Variants in FAF1 observed in about 807,000 individuals in gnomAD.
FAF1 encodes the protein Fas associated factor 1.
Under a neutral mutation model 92.5 loss-of-function variants are expected in FAF1, and 25 were observed. The observed-to-expected ratio is 0.27, with a 90% CI of 0.20 to 0.38. The LOEUF is 0.38. Ranked by LOEUF, FAF1 falls within the 10% of genes least tolerant of loss-of-function variation. The pLI is 1.00. For missense variants in FAF1, 636 were observed against 793.3 expected, an observed-to-expected ratio of 0.80 and a Z score of 2.38; for synonymous variants, 234 against 273.2, an observed-to-expected ratio of 0.86 and a Z score of 1.42.
intron 17 of FAF1, among the ~76,000 whole-genome samples, chr1:50,488,839 CTATT>C (rs1049274524): frequency 6.6e-6 from 1 of 152,190 alleles, no homozygotes; most frequent in African/African-American, 2.4e-5. Context: ...AGCTAGCAAA[CTATT>C]TAATACACAG....
intron 6 of FAF1, among the ~76,000 whole-genome samples, chr1:50,719,300 A>C (rs1433102198): frequency 2.0e-5 from 3 of 152,210 alleles, no homozygotes; most frequent in African/African-American, 7.2e-5. Flanking sequence ...ACCCTGCTAC[A>C]GTTGTTAACA....
At chr1:50,909,123 T>C (rs1348154408) in intron 1 of FAF1, among the ~76,000 whole-genome samples, 3 of 152,198 alleles carry the variant, frequency 2.0e-5, no homozygotes, top group African/African-American at 7.2e-5. Context: ...TTATTTCTCC[T>C]ACACTTATGA....
intron 2 of FAF1, among the ~76,000 whole-genome samples, chr1:50,835,899 A>C (rs1644196859): frequency 6.6e-6 from 1 of 152,128 alleles, no homozygotes; most frequent in South Asian, 2.1e-4. Flanking sequence ...AAAAAGGAAC[A>C]ATTTTGTGGT....
intron 6 of FAF1, among the ~76,000 whole-genome samples, chr1:50,707,686 G>A (rs116452151): frequency 0.03 from 4,572 of 151,126 alleles, 244 homozygotes; most frequent in African/African-American, 0.11. Context: ...AGAGGGAGAC[G>A]CTGTCCCAAA....
rs78096537 is a variant in FAF1 at position 50,798,458 on chromosome 1, C to T, written c.161+3173G>A. On this transcript the variant is annotated intron_variant, in intron 3 of 18. Transcript: ENST00000396153. Reference sequence around the variant, plus strand: ...ACAAGTAATTCACTAACATTTCTTCCTAAAAATATCTCCAAAAACAATTTT... The same window carrying T: ...ACAAGTAATTCACTAACATTTCTTCTTAAAAATATCTCCAAAAACAATTTT... Among the ~76,000 whole-genome samples, 1,505 of 152,282 alleles carry T rather than the reference C, an allele frequency of 9.9e-3. 23 individuals are homozygous for T. Among genetic ancestry groups the T allele is most frequent in the African/African-American group, 0.034 (1,426 of 41,558 alleles).
rs1557509565 is a variant in FAF1 at position 50,751,470 on chromosome 1, T to C, written c.368-6695A>G. Among the ~76,000 whole-genome samples, 3 of 151,896 alleles carry C rather than the reference T, an allele frequency of 2.0e-5. No homozygotes were observed. The South Asian group carries it at 6.2e-4, about 32-fold the overall frequency. Reference sequence around the variant, plus strand: ...GCAATTCTCCTGCCTCAGCCTCCCATGTAGCTGGGACTACAGGCACGTGCC... The same window carrying C: ...GCAATTCTCCTGCCTCAGCCTCCCACGTAGCTGGGACTACAGGCACGTGCC... On this transcript the variant is annotated intron_variant, in intron 4 of 18. Transcript: ENST00000396153.
At chr1:50,575,379 A>T (rs1650678122) in intron 12 of FAF1, among the ~76,000 whole-genome samples, 1 of 152,226 alleles carries the variant, frequency 6.6e-6, no homozygotes, top group Admixed American at 6.5e-5. Flanking sequence ...ATATCTAATT[A>T]CAGAACAGCA....
rs71059597 is a variant in FAF1, at chr1:50,819,799, A to ACG, written c.115-18123_115-18122insCG. ...TATACATATATATACATATATATAT[A>ACG]TACATATATATATATATATAGTATT... is the stretch of plus-strand genomic sequence containing the variant. On this transcript the variant is annotated intron_variant, in intron 2 of 18. Transcript: ENST00000396153. 1.6e-4 allele frequency among the ~76,000 whole-genome samples: 18 copies of ACG among 112,814 alleles called. 4 individuals are homozygous for ACG. Among genetic ancestry groups the ACG allele is most frequent in the African/African-American group, 5.9e-4 (18 of 30,256 alleles). The allele number at this position is 112,814 out of a possible 152,430, so 74.0% of individuals were successfully genotyped here. A position where few individuals can be genotyped will look rare whatever the true frequency, so the allele number is the denominator to read the frequency against.
rs1310262783 is a variant in FAF1 at position 50,640,670 on chromosome 1, T to A, written c.744+14772A>T. On this transcript the variant is annotated intron_variant, in intron 8 of 18. Coordinates refer to ENST00000396153, the MANE Select transcript of FAF1 (RefSeq NM_007051.3). ...AAGCAACTTGTCCATTTCAGCCTAG[T>A]GTTGCAGAATTTATCGGCCCAAAGT... 3.9e-5 allele frequency among the ~76,000 whole-genome samples: 6 copies of A among 152,132 alleles called. No individual in the cohort carries two copies. In the East Asian group the frequency reaches 1.2e-3, roughly 29 times the overall value.
At chr1:50,536,379 G>T (rs543062200) in intron 14 of FAF1, among the ~76,000 whole-genome samples, 2 of 152,278 alleles carry the variant, frequency 1.3e-5, no homozygotes, top group East Asian at 3.9e-4. Flanking sequence ...CCTACAGGCA[G>T]AAAGAGTTAG....
chr1:50,898,108 T>C (rs958539507), intron 1 of FAF1, among the ~76,000 whole-genome samples: 1 of 152,208 alleles, frequency 6.6e-6, no homozygotes, highest in African/African-American at 2.4e-5. Flanking sequence ...AGCAACAGCA[T>C]TAGTTTCAAG....
At chr1:50,766,358 G>A (rs1479825588) in intron 4 of FAF1, among the ~76,000 whole-genome samples, 1 of 152,152 alleles carries the variant, frequency 6.6e-6, no homozygotes. Context: ...AACTATGAAA[G>A]TTATTGCTTT....
chr1:50,591,534 A>C (rs1651507211), intron 9 of FAF1, among the ~76,000 whole-genome samples: 1 of 152,002 alleles, frequency 6.6e-6, no homozygotes, highest in African/African-American at 2.4e-5. Flanking sequence ...TTCACCGGGC[A>C]TGGTGGTGGG....
chr1:50,885,088 T>C (rs542980465), intron 1 of FAF1, among the ~76,000 whole-genome samples: 1 of 152,338 alleles, frequency 6.6e-6, no homozygotes, highest in South Asian at 2.1e-4. Context: ...TAATGAACCT[T>C]TGAATTTCCA....
intron 1 of FAF1, among the ~76,000 whole-genome samples, chr1:50,874,758 CTTTTTTTTTTTTTTTT>C (rs755424291): frequency 3.0e-5 from 2 of 67,254 alleles, no homozygotes; most frequent in African/African-American, 6.3e-5. Context: ...TCTTTTCTTT[CTTTTTTTTTTTTTTTT>C]TTTTTTTTTT....
rs1253354097 is a variant in FAF1, at chr1:50,560,680, C to T, written c.1268+6397G>A. Among the ~76,000 whole-genome samples, 3 of 152,240 alleles carry T rather than the reference C, an allele frequency of 2.0e-5. No individual in the cohort carries two copies. In the East Asian group the frequency reaches 5.8e-4, roughly 29 times the overall value. ...TTCATTTTCCAGCACTCATAGCCAG[C>T]TGATTACCCAGTTGGCACTATTCCA... On this transcript the variant is annotated intron_variant, in intron 13 of 18. Transcript: ENST00000396153.
At chr1:50,541,904 T>C (rs76201941) in intron 13 of FAF1, among the ~76,000 whole-genome samples, 1 of 152,336 alleles carries the variant, frequency 6.6e-6, no homozygotes, top group East Asian at 1.9e-4. Context: ...AAAATAATTA[T>C]GAAAATGTAG....
At chr1:50,586,241 T>C (rs1284326127) in intron 9 of FAF1, among the ~76,000 whole-genome samples, 1 of 152,162 alleles carries the variant, frequency 6.6e-6, no homozygotes, top group East Asian at 1.9e-4. Context: ...GTAGGACTAC[T>C]CTGGTTGATA....
intron 1 of FAF1, among the ~76,000 whole-genome samples, chr1:50,878,490 T>G (rs1352762495): frequency 6.6e-6 from 1 of 152,130 alleles, no homozygotes; most frequent in African/African-American, 2.4e-5. Flanking sequence ...AGCTAAGATA[T>G]AAAAGTTATC....
Sources: allele counts gnomAD v4.1 joint callset (sites outside exome capture counted in the v4.1 genomes callset), GRCh38; gene constraint gnomAD v4.1.1; transcripts MANE v1.5; gene names NCBI Gene and HGNC (gene_info 2026-07-23, HGNC 2026-07-21).